Variants in KLHL32 observed in about 807,000 individuals in gnomAD.
The protein encoded by KLHL32 is kelch-like protein 32.
In KLHL32, 35 loss-of-function variants were observed where a neutral mutation model predicts 64.8. The ratio of observed to expected loss-of-function variants is 0.54; its 90% CI spans 0.41 to 0.72. The LOEUF is 0.72. KLHL32 is among the 30% of genes least tolerant of loss of function. The pLI is 0.00. For synonymous variants in KLHL32, 259 were observed against 281.0 expected (o/e 0.92, Z 0.78); for missense variants, 589 against 768.5 (o/e 0.77, Z 2.76).
chr6:96,989,512 T>A (rs562719251), intron 3 of KLHL32, among the ~76,000 whole-genome samples: 1 of 152,278 alleles, frequency 6.6e-6, no homozygotes, highest in South Asian at 2.1e-4. Flanking sequence ...TTGCCCTTTA[T>A]CTCTAGCTGC....
intron 5 of KLHL32, among the ~76,000 whole-genome samples, chr6:97,074,755 C>A (rs1293957302): frequency 1.3e-5 from 2 of 151,768 alleles, no homozygotes; most frequent in East Asian, 1.9e-4. Context: ...CTATACTATT[C>A]TTTTAAACAT....
At chr6:97,043,864 A>G (rs867073247) in intron 4 of KLHL32, among the ~76,000 whole-genome samples, 5 of 151,964 alleles carry the variant, frequency 3.3e-5, no homozygotes, top group Non-Finnish European at 5.9e-5. Flanking sequence ...AGAAGTGTCT[A>G]TTAGGTCCTT....
chr6:96,942,864 C>T (rs538899852), intron 1 of KLHL32, among the ~76,000 whole-genome samples: 11 of 152,264 alleles, frequency 7.2e-5, no homozygotes, highest in African/African-American at 9.6e-5. Flanking sequence ...TCACTCCTTA[C>T]GGCAGAATGG....
intron 1 of KLHL32, among the ~76,000 whole-genome samples, chr6:96,935,967 G>A (rs1770546190): frequency 6.6e-6 from 1 of 152,174 alleles, no homozygotes; most frequent in Non-Finnish European, 1.5e-5. Flanking sequence ...TTTGCTCTGT[G>A]ATAGGACACG....
At chr6:97,017,153 G>A (rs571846206) in intron 3 of KLHL32, among the ~76,000 whole-genome samples, 5 of 152,198 alleles carry the variant, frequency 3.3e-5, no homozygotes, top group Admixed American at 1.3e-4. Context: ...TTAGCATGAC[G>A]TTTTATAGAT....
At chr6:97,021,912 T>G (rs1335120108) in intron 3 of KLHL32, among the ~76,000 whole-genome samples, 2 of 150,926 alleles carry the variant, frequency 1.3e-5, no homozygotes, top group Non-Finnish European at 2.9e-5. Flanking sequence ...CGCAATTATC[T>G]GTGTCATCCT....
the KLHL32 span, among the ~76,000 whole-genome samples, chr6:96,909,077 C>T: frequency 6.6e-6 from 1 of 152,098 alleles, no homozygotes; most frequent in Non-Finnish European, 1.5e-5. Context: ...AAGATGCTAC[C>T]ATTCAAGCAC....
At chr6:96,976,214 T>C in intron 3 of KLHL32, 37 bp downstream of exon 3, 1 of 1,488,980 alleles carries the variant, frequency 6.7e-7, no homozygotes, top group South Asian at 1.3e-5. Flanking sequence ...AAAATATTGA[T>C]AAAGAGAGGA....
chr6:96,975,050 T>C (rs1775542891), intron 2 of KLHL32, among the ~76,000 whole-genome samples: 1 of 152,176 alleles, frequency 6.6e-6, no homozygotes, highest in African/African-American at 2.4e-5. Context: ...TAGATTCCCG[T>C]TGATATAAGC....
intron 10 of KLHL32, among the ~76,000 whole-genome samples, chr6:97,137,684 G>A (rs1800189592): frequency 2.0e-5 from 3 of 151,968 alleles, no homozygotes; most frequent in African/African-American, 7.3e-5. Context: ...ACAGGCAGCC[G>A]CCACCACGCC....
chr6:96,963,242 A>G (rs1395711329), intron 1 of KLHL32, among the ~76,000 whole-genome samples: 1 of 152,166 alleles, frequency 6.6e-6, no homozygotes, highest in Non-Finnish European at 1.5e-5. Flanking sequence ...TTATCAAAGG[A>G]AAAGGGGTTT....
intron 1 of KLHL32, among the ~76,000 whole-genome samples, chr6:96,956,360 C>T (rs532148745): frequency 2.2e-4 from 33 of 152,346 alleles, no homozygotes; most frequent in South Asian, 4.1e-4. Context: ...CACATAAGCA[C>T]TATTGGAGCC....
intron 3 of KLHL32, 114 bp downstream of exon 3, chr6:96,976,291 T>C (rs1775683612): frequency 2.1e-6 from 2 of 962,614 alleles, no homozygotes; most frequent in African/African-American, 1.7e-5. Flanking sequence ...AGCTGAATGG[T>C]GGGGGCCTTT....
the KLHL32 span, among the ~76,000 whole-genome samples, chr6:96,899,762 A>G: frequency 6.6e-6 from 1 of 152,214 alleles, no homozygotes; most frequent in African/African-American, 2.4e-5. Flanking sequence ...GTCAAAACAT[A>G]TAAATTAACA....
chr6:96,989,445 G>T (rs1777575782), intron 3 of KLHL32, among the ~76,000 whole-genome samples: 1 of 152,126 alleles, frequency 6.6e-6, no homozygotes, highest in African/African-American at 2.4e-5. Context: ...CAGGCTTGTA[G>T]GGTTTCTTTT....
chr6:97,016,474 C>A (rs1781210120), intron 3 of KLHL32, among the ~76,000 whole-genome samples: 1 of 152,180 alleles, frequency 6.6e-6, no homozygotes, highest in Non-Finnish European at 1.5e-5. Context: ...TTTATTTTGG[C>A]CAATTTCTCA....
At chr6:97,016,806 G>A (rs1781265019) in intron 3 of KLHL32, among the ~76,000 whole-genome samples, 1 of 152,180 alleles carries the variant, frequency 6.6e-6, no homozygotes. Context: ...GGTGTGAGAT[G>A]GTTGGATCCT....
intron 6 of KLHL32, among the ~76,000 whole-genome samples, chr6:97,097,792 T>C (rs1180519609): frequency 6.6e-6 from 1 of 152,180 alleles, no homozygotes; most frequent in Non-Finnish European, 1.5e-5. Context: ...AGTGGGAAAG[T>C]ATAAACGACA....
chr6:97,075,662 C>T (rs1017702799), intron 5 of KLHL32, among the ~76,000 whole-genome samples: 1 of 152,098 alleles, frequency 6.6e-6, no homozygotes, highest in African/African-American at 2.4e-5. Context: ...ACATCCACAC[C>T]AGCCCCCTTT....
Sources: allele counts gnomAD v4.1 joint callset (sites outside exome capture counted in the v4.1 genomes callset), GRCh38; gene constraint gnomAD v4.1.1; transcripts MANE v1.5; gene names NCBI Gene and HGNC (gene_info 2026-07-23, HGNC 2026-07-21).